COL5A2: variants seen among roughly 807,000 people sequenced by gnomAD.
The protein encoded by COL5A2 is collagen alpha-2(V) chain.
COL5A2 carries 23 observed loss-of-function variants against 208.2 expected under a neutral mutation model. The ratio of observed to expected loss-of-function variants is 0.11; its 90% CI spans 0.08 to 0.16. The LOEUF is 0.16. Among genes scored for constraint, COL5A2 ranks in the 10% least tolerant of loss-of-function variants. The pLI is 1.00. For synonymous variants in COL5A2, 625 were observed against 628.5 expected, an observed-to-expected ratio of 0.99 and a Z score of 0.08; for missense variants, 1,590 against 1,956.4, an observed-to-expected ratio of 0.81 and a Z score of 3.53.
chr2:189,086,215 G>T (rs532402309), intron 9 of COL5A2, among the ~76,000 whole-genome samples: 1 of 152,092 alleles, frequency 6.6e-6, no homozygotes, highest in Admixed American at 6.6e-5. Flanking sequence ...ATTATTTCCT[G>T]ATGCCTGTTA....
At chr2:189,217,922 C>T (rs904841586) in intron 1 of COL5A2, among the ~76,000 whole-genome samples, 1 of 152,128 alleles carries the variant, frequency 6.6e-6, no homozygotes, top group Non-Finnish European at 1.5e-5. Context: ...TGGCAGATTT[C>T]CTTCAACAAA....
chr2:189,351,454 A>G, the COL5A2 span, among the ~76,000 whole-genome samples: 1 of 152,228 alleles, frequency 6.6e-6, no homozygotes, highest in Non-Finnish European at 1.5e-5. Context: ...AAATGATTAG[A>G]CAGTTCTCTA....
At chr2:189,405,762 C>A in the COL5A2 span, among the ~76,000 whole-genome samples, 23 of 152,106 alleles carry the variant, frequency 1.5e-4, no homozygotes, top group Admixed American at 1.5e-3. Context: ...CATGTGAGAC[C>A]AGAATGAATA....
At chr2:189,172,730 C>T (rs1278104511) in intron 1 of COL5A2, among the ~76,000 whole-genome samples, 1 of 151,988 alleles carries the variant, frequency 6.6e-6, no homozygotes, top group Non-Finnish European at 1.5e-5. Context: ...AGTGTTTCCA[C>T]CAATAATATA....
At chr2:189,243,666 T>C in the COL5A2 span, among the ~76,000 whole-genome samples, 6 of 152,064 alleles carry the variant, frequency 3.9e-5, no homozygotes, top group Admixed American at 3.9e-4. Context: ...TCTCATATCC[T>C]CACATTTCAA....
At chr2:189,073,807 G>A (rs904645091) in intron 17 of COL5A2, among the ~76,000 whole-genome samples, 7 of 152,118 alleles carry the variant, frequency 4.6e-5, no homozygotes, top group Admixed American at 4.6e-4. Flanking sequence ...ATAACTTTAT[G>A]TCTTGAAGCT....
At chr2:189,404,300 G>A in the COL5A2 span, among the ~76,000 whole-genome samples, 11 of 152,150 alleles carry the variant, frequency 7.2e-5, no homozygotes, top group Admixed American at 4.6e-4. Flanking sequence ...TTAATCCAAA[G>A]AGGGCCTGAA....
At position 189,121,594 on chromosome 2, in the gene COL5A2, T is replaced by C. The variant is rs533572949; in HGVS notation, c.98-11145A>G. On this transcript the variant is annotated intron_variant, in intron 1 of 53. Coordinates refer to ENST00000374866, the MANE Select transcript of COL5A2 (RefSeq NM_000393.5). Reference sequence around the variant, plus strand: ...CATGGCAGGAACCATTTGTTGCCGATGACTAACTCACTCTAGCCACACTGG... The same window carrying C: ...CATGGCAGGAACCATTTGTTGCCGACGACTAACTCACTCTAGCCACACTGG... 2.6e-5 allele frequency among the ~76,000 whole-genome samples: 4 copies of C among 152,044 alleles called. No homozygotes were observed. In the East Asian group the frequency reaches 7.8e-4, roughly 29 times the overall value.
chr2:189,368,975 ATACAG>A, the COL5A2 span, among the ~76,000 whole-genome samples: 1 of 152,186 alleles, frequency 6.6e-6, no homozygotes, highest in Admixed American at 6.5e-5. Flanking sequence ...ATCTACTACA[ATACAG>A]TAAACAGAAG....
chr2:189,233,824 T>A, the COL5A2 span, among the ~76,000 whole-genome samples: 20,842 of 151,612 alleles, frequency 0.14, 1,960 homozygotes, highest in South Asian at 0.2. Flanking sequence ...CAGAATTTTT[T>A]GGATATTGTG....
intron 1 of COL5A2, among the ~76,000 whole-genome samples, chr2:189,134,285 T>C (rs13005714): frequency 0.77 from 117,423 of 152,120 alleles, 48,726 homozygotes; most frequent in Non-Finnish European, 0.91. Context: ...TGCTAGACTC[T>C]ATTTTTAAAG....
chr2:189,071,952 C>G, intron 18 of COL5A2, 88 bp downstream of exon 18: 2 of 915,344 alleles, frequency 2.2e-6, no homozygotes, highest in South Asian at 3.1e-5. Flanking sequence ...AACTTTCACA[C>G]TTTTCAATTA....
At chr2:189,421,192 C>T in the COL5A2 span, among the ~76,000 whole-genome samples, 54 of 152,168 alleles carry the variant, frequency 3.5e-4, no homozygotes, top group East Asian at 0.01. Flanking sequence ...CCACCACACA[C>T]CTACTAAATT....
chr2:189,386,736 C>A, the COL5A2 span, among the ~76,000 whole-genome samples: 1 of 152,132 alleles, frequency 6.6e-6, no homozygotes, highest in Admixed American at 6.6e-5. Context: ...CTCATCATCA[C>A]GAACTATCAG....
chr2:189,319,703 G>A, the COL5A2 span, among the ~76,000 whole-genome samples: 2 of 152,242 alleles, frequency 1.3e-5, no homozygotes, highest in African/African-American at 2.4e-5. Flanking sequence ...GCAGCTCAAG[G>A]AGGCTGGCCT....
chr2:189,414,022 C>T, the COL5A2 span, among the ~76,000 whole-genome samples: 1 of 152,038 alleles, frequency 6.6e-6, no homozygotes, highest in Non-Finnish European at 1.5e-5. Flanking sequence ...GAACTCCTAA[C>T]CTCAGGTGAT....
the COL5A2 span, among the ~76,000 whole-genome samples, chr2:189,247,583 C>CTTT: frequency 2.1e-5 from 3 of 140,112 alleles, no homozygotes; most frequent in South Asian, 4.6e-4. Context: ...AAAAAAATTT[C>CTTT]TTTTTTTTTT....
intron 52 of COL5A2, 123 bp downstream of exon 52, chr2:189,036,493 T>C (rs1685446282): frequency 1.3e-6 from 1 of 787,474 alleles, no homozygotes; most frequent in Non-Finnish European, 2.0e-6. Context: ...ACTATATCAC[T>C]TCAAAATAAA....
At chr2:189,288,633 A>C in the COL5A2 span, among the ~76,000 whole-genome samples, 1 of 152,206 alleles carries the variant, frequency 6.6e-6, no homozygotes, top group Non-Finnish European at 1.5e-5. Flanking sequence ...CTTTTACCAA[A>C]CGTTTAAGAA....
Sources: gnomAD v4.1 joint callset for allele counts (sites outside exome capture counted in the v4.1 genomes callset) on GRCh38, gnomAD v4.1.1 for gene constraint, MANE v1.5 for transcripts, NCBI Gene and HGNC (gene_info 2026-07-23, HGNC 2026-07-21) for gene names.